KCTD18: variants seen among roughly 807,000 people sequenced by gnomAD.
KCTD18 encodes the protein potassium channel tetramerization domain containing 18.
KCTD18 carries 22 observed loss-of-function variants against 30.4 expected under a neutral mutation model. The ratio of observed to expected loss-of-function variants is 0.72; its 90% CI spans 0.52 to 1.03. KCTD18 has a LOEUF of 1.03. Among genes scored for constraint, KCTD18 ranks in the 50% least tolerant of loss-of-function variants. The pLI is 0.00. For synonymous variants in KCTD18, 186 were observed against 209.0 expected (o/e 0.89, Z 0.95); for missense variants, 529 against 547.6 (o/e 0.97, Z 0.34).
At position 200,490,200 on chromosome 2, in the gene KCTD18, G is replaced by A; in HGVS notation, c.1181C>T (p.Pro394Leu). ...GGAGTTGGCCTGCCTCGTGGCCGTGGGGGAGGGCAGGCAAGGCGCGGTGGC... is the reference window on the plus strand; with the variant it reads ...GGAGTTGGCCTGCCTCGTGGCCGTGAGGGAGGGCAGGCAAGGCGCGGTGGC... ...LCATAPCLPSPTATRQANSLK... is the reference protein window; with the variant it reads ...LCATAPCLPSLTATRQANSLK... The change falls in exon 7 of 7, where the codon CCC (proline) becomes CTC (leucine). Residue 394 changes from proline to leucine, a missense_variant. By Grantham distance (98) the Pro-to-Leu change is moderately conservative. Coordinates refer to ENST00000359878, the MANE Select transcript of KCTD18 (RefSeq NM_152387.4). The A allele has an allele frequency of 1.2e-6, 2 of 1,614,080 alleles. No homozygotes were observed. The highest frequency in any genetic ancestry group is 1.7e-6 in the Non-Finnish European group (2 of 1,179,900).
chr2:200,508,183 G>C (rs998413089), intron 1 of KCTD18, among the ~76,000 whole-genome samples: 1 of 152,128 alleles, frequency 6.6e-6, no homozygotes, highest in Non-Finnish European at 1.5e-5. Flanking sequence ...GCTCACTCCC[G>C]GGTTCAAGCA....
rs137903183 is a variant in KCTD18 at position 200,491,261 on chromosome 2, T to C, written c.765-645A>G. ...TCTTGCTGTCTCTCACCGTGTGACATATCTGCTTCCCTTCACCTTCTGCCA... is the reference window on the plus strand; with the variant it reads ...TCTTGCTGTCTCTCACCGTGTGACACATCTGCTTCCCTTCACCTTCTGCCA... On this transcript the variant is annotated intron_variant, in intron 6 of 6. Transcript: ENST00000359878. Among the ~76,000 whole-genome samples, 640 of 152,284 alleles carry C rather than the reference T, an allele frequency of 4.2e-3. 5 individuals are homozygous for C. Among genetic ancestry groups the C allele is most frequent in the African/African-American group, 0.015 (606 of 41,552 alleles).
rs763190575 is a variant in KCTD18, at chr2:200,490,036, C to T, written c.*64G>A. The T allele has an allele frequency of 6.7e-7, 1 of 1,483,426 alleles. No individual in the cohort carries two copies. Among genetic ancestry groups the T allele is most frequent in the Non-Finnish European group, 9.0e-7 (1 of 1,112,188 alleles). 91.9% of individuals were successfully genotyped at this position (1,483,426 alleles called of 1,614,324 possible). ...CTGCTGCATTAAGAAAGTGTCACTT[C>T]TTTGCGTCGAATGGGTTGAAAGCTT... On this transcript the variant is annotated 3_prime_UTR_variant, in exon 7 of 7. Transcript: ENST00000359878.
At chr2:200,501,258 T>C (rs1370629342) in intron 3 of KCTD18, among the ~76,000 whole-genome samples, 1 of 144,276 alleles carries the variant, frequency 6.9e-6, no homozygotes, top group Non-Finnish European at 1.5e-5. Flanking sequence ...CCAAAAGCAA[T>C]GGCAACAAAA....
chr2:200,506,270 A>G (rs1054256967), intron 2 of KCTD18, among the ~76,000 whole-genome samples: 1 of 152,208 alleles, frequency 6.6e-6, no homozygotes, highest in Non-Finnish European at 1.5e-5. Flanking sequence ...GAGCACTGGA[A>G]GCAGAGAGCA....
At chr2:200,499,125 G>C in intron 3 of KCTD18, 41 bp from the exon 4 acceptor site, 1 of 1,427,652 alleles carries the variant, frequency 7.0e-7, no homozygotes, top group Non-Finnish European at 9.5e-7. Context: ...TTTAATTCTA[G>C]AGTAAAATAA....
intron 4 of KCTD18, among the ~76,000 whole-genome samples, 190 bp from the exon 5 acceptor site, chr2:200,498,037 T>C (rs1013854599): frequency 1.3e-5 from 2 of 151,340 alleles, no homozygotes; most frequent in Non-Finnish European, 3.0e-5. Context: ...TTATATAATA[T>C]ACTAACCTAT....
chr2:200,504,222 G>C (rs2106283812), intron 3 of KCTD18, among the ~76,000 whole-genome samples: 1 of 152,272 alleles, frequency 6.6e-6, no homozygotes, highest in Admixed American at 6.5e-5. Context: ...ACTTTGGGAG[G>C]CCCAGATGGG....
In KCTD18 at chr2:200,489,454, T is replaced by C. The variant is rs2087871081; in HGVS notation, c.*646A>G. On this transcript the variant is annotated 3_prime_UTR_variant, in exon 7 of 7. Transcript: ENST00000359878. ...ATAATTCTGATCCCAAGAGATCTTCTTGTGGTGTTTATAAATAAATCTACT... is the reference window on the plus strand; with the variant it reads ...ATAATTCTGATCCCAAGAGATCTTCCTGTGGTGTTTATAAATAAATCTACT... 6.6e-6 allele frequency: 1 copy of C among 152,390 alleles called. No individual in the cohort carries two copies. Among genetic ancestry groups the C allele is most frequent in the Admixed American group, 6.5e-5 (1 of 15,306 alleles). The allele number at this position is 152,390 out of a possible 1,614,324, so 9.4% of individuals were successfully genotyped here.
chr2:200,494,831 A>T (rs1198626971), intron 5 of KCTD18, among the ~76,000 whole-genome samples: 1 of 152,042 alleles, frequency 6.6e-6, no homozygotes, highest in African/African-American at 2.4e-5. Flanking sequence ...ATTTCCTCAT[A>T]CCCCTTAGCA....
rs750150880 is a variant in KCTD18 at position 200,490,131 on chromosome 2, C to A, written c.1250G>T (p.Arg417Leu). Residue 417 changes from arginine (R) to leucine (L), a missense_variant, in exon 7 of 7, where the codon CGG becomes CTG. Physicochemically the swap from Arg to Leu is moderately radical, Grantham distance 102. Transcript: ENST00000359878. ...TCCCTTGTTCTTCCCGTTCTCAGTC[C>A]GCACTCCCAAGGCACGGGCAGCTTC... is the stretch of plus-strand genomic sequence containing the variant. ...PGEAARALGV[R>L]TENGKNKGN 1 of 1,593,788 alleles carries A rather than the reference C, an allele frequency of 6.3e-7. No homozygotes were observed. The highest frequency in any genetic ancestry group is 1.7e-5 in the Admixed American group (1 of 58,736).
chr2:200,493,001 G>T (rs2087943168), intron 6 of KCTD18, among the ~76,000 whole-genome samples, 171 bp downstream of exon 6: 1 of 152,026 alleles, frequency 6.6e-6, no homozygotes, highest in Non-Finnish European at 1.5e-5. Flanking sequence ...CATAGTTTTG[G>T]TAACTTTATA....
chr2:200,490,994 A>C (rs544788856), intron 6 of KCTD18, among the ~76,000 whole-genome samples: 3 of 151,812 alleles, frequency 2.0e-5, no homozygotes, highest in East Asian at 3.9e-4. Flanking sequence ...TTTAGTAAAG[A>C]AAAAAAAAGA....
chr2:200,504,604 A>G, intron 3 of KCTD18, 144 bp downstream of exon 3: 1 of 646,386 alleles, frequency 1.5e-6, no homozygotes, highest in South Asian at 2.3e-5. Context: ...AAAAAATGAG[A>G]AGTAGTAGTA....
chr2:200,492,099 G>A (rs542474664), intron 6 of KCTD18, among the ~76,000 whole-genome samples: 36 of 152,240 alleles, frequency 2.4e-4, no homozygotes, highest in African/African-American at 7.9e-4. Context: ...GAGGGTCTCC[G>A]TAAACCACTC....
At chr2:200,500,721 G>T (rs1266099283) in intron 3 of KCTD18, among the ~76,000 whole-genome samples, 14 of 151,394 alleles carry the variant, frequency 9.2e-5, no homozygotes, top group African/African-American at 3.4e-4. Flanking sequence ...GTAATTTACA[G>T]ATTCAATGCC....
At position 200,506,920 on chromosome 2, in the gene KCTD18, A is replaced by C; in HGVS notation, c.97T>G (p.Phe33Val). The C allele has an allele frequency of 6.2e-7, 1 of 1,613,806 alleles. No individual in the cohort carries two copies. The highest frequency in any genetic ancestry group is 8.5e-7 in the Non-Finnish European group (1 of 1,179,806). ...ATAGATGCCAACATGGAGTCCTTGA[A>C]GCGGCACAAGGACTCCCGCCGGGCT... ...YTARRESLCR[F>V]KDSMLASMFS... Residue 33 changes from phenylalanine (F) to valine (V), a missense_variant, in exon 2 of 7, where the codon TTC (phenylalanine) becomes GTC (valine). Coordinates refer to ENST00000359878, the MANE Select transcript of KCTD18 (RefSeq NM_152387.4).
At position 200,505,494 on chromosome 2, in the gene KCTD18, T is replaced by C. The variant is rs140858217; in HGVS notation, c.161-535A>G. ...GCGTTCTCACTACCATATGGGAAAA[T>C]ATATTCTGAGATCCATTTAGAACTT... On this transcript the variant is annotated intron_variant, in intron 2 of 6. Coordinates refer to ENST00000359878, the MANE Select transcript of KCTD18 (RefSeq NM_152387.4). Among the ~76,000 whole-genome samples the C allele has an allele frequency of 2.0e-3, 308 of 152,234 alleles. 1 individual carries two copies. Among genetic ancestry groups the C allele is most frequent in the African/African-American group, 7.0e-3 (290 of 41,526 alleles).
At chr2:200,508,480 T>G (rs1023019259) in intron 1 of KCTD18, among the ~76,000 whole-genome samples, 3 of 152,142 alleles carry the variant, frequency 2.0e-5, no homozygotes, top group African/African-American at 7.2e-5. Context: ...CCTAAAACAA[T>G]ACTGTGATGA....
Sources: allele counts gnomAD v4.1 joint callset (sites outside exome capture counted in the v4.1 genomes callset), GRCh38; gene constraint gnomAD v4.1.1; transcripts MANE v1.5; gene names NCBI Gene and HGNC (gene_info 2026-07-23, HGNC 2026-07-21).